HOMER2: variants seen among roughly 807,000 people sequenced by gnomAD.
HOMER2 encodes the protein homer scaffold protein 2, also known as homer protein homolog 2.
HOMER2 carries 27 observed loss-of-function variants against 47.0 expected under a neutral mutation model. The ratio of observed to expected loss-of-function variants is 0.57; its 90% CI spans 0.42 to 0.79. The LOEUF (loss-of-function observed/expected upper bound fraction) is 0.79, where lower values mean the gene tolerates loss of function less well. Among genes scored for constraint, HOMER2 ranks in the 30% least tolerant of loss-of-function variants. The probability of loss-of-function intolerance (pLI) is 0.00; values close to 1 mark genes in which losing one functional copy is unlikely to be tolerated. For missense variants in HOMER2, 443 were observed against 435.0 expected, an observed-to-expected ratio of 1.02 and a Z score of -0.16; for synonymous variants, 161 against 163.8, an observed-to-expected ratio of 0.98 and a Z score of 0.13.
chr15:82,924,759 A>C (rs1479514054), intron 1 of HOMER2, among the ~76,000 whole-genome samples: 1 of 152,150 alleles, frequency 6.6e-6, no homozygotes, highest in Non-Finnish European at 1.5e-5. Flanking sequence ...CATCTCACCC[A>C]ATTTTCCCAA....
chr15:82,845,218 T>TCACACACACACACACACACA (rs33974319), downstream of HOMER2: 13 of 146,030 alleles, frequency 8.9e-5, no homozygotes, highest in South Asian at 2.3e-4. Flanking sequence ...TGCTGTTTCT[T>TCACACACACACACACACACA]CACACACACA....
intron 1 of HOMER2, among the ~76,000 whole-genome samples, chr15:82,979,988 C>T (rs2030336438): frequency 6.6e-6 from 1 of 152,016 alleles, no homozygotes; most frequent in African/African-American, 2.4e-5. Flanking sequence ...GCATAGGCAA[C>T]ACAAGGAGAG....
intron 1 of HOMER2, among the ~76,000 whole-genome samples, chr15:82,974,790 C>A (rs2030145721): frequency 6.6e-6 from 1 of 152,058 alleles, no homozygotes; most frequent in African/African-American, 2.4e-5. Context: ...GACATACAGG[C>A]CAGGCGTGGT....
intron 6 of HOMER2, chr15:82,852,882 C>G (rs994614395): frequency 4.6e-5 from 7 of 152,428 alleles, no homozygotes; most frequent in African/African-American, 1.7e-4. Context: ...TTTCCCTTTC[C>G]AAGGCTGACC....
intron 3 of HOMER2, among the ~76,000 whole-genome samples, chr15:82,866,980 C>G (rs1000733951): frequency 3.3e-5 from 5 of 151,988 alleles, no homozygotes; most frequent in African/African-American, 1.2e-4. Flanking sequence ...CATGATGGAA[C>G]AGAACAAACA....
intron 1 of HOMER2, among the ~76,000 whole-genome samples, chr15:82,894,785 T>C (rs1357427656): frequency 6.8e-6 from 1 of 148,024 alleles, no homozygotes; most frequent in African/African-American, 2.5e-5. Flanking sequence ...ATCTTTACAA[T>C]GTCAAAAGAG....
intron 1 of HOMER2, among the ~76,000 whole-genome samples, chr15:82,930,104 T>A (rs1399169225): frequency 6.6e-6 from 1 of 152,210 alleles, no homozygotes; most frequent in Non-Finnish European, 1.5e-5. Context: ...AAAGGCTGTT[T>A]TTCTCATGGA....
At chr15:82,936,767 G>T (rs1005053187) in intron 1 of HOMER2, among the ~76,000 whole-genome samples, 1 of 151,370 alleles carries the variant, frequency 6.6e-6, no homozygotes, top group African/African-American at 2.4e-5. Flanking sequence ...TTTTGAGATG[G>T]GGTTTCTCCA....
intron 1 of HOMER2, among the ~76,000 whole-genome samples, chr15:82,964,024 A>G (rs2054652619): frequency 6.6e-6 from 1 of 152,240 alleles, no homozygotes; most frequent in Non-Finnish European, 1.5e-5. Context: ...CTTTGGCCAG[A>G]TATTAATTAG....
At chr15:82,911,187 C>T (rs568670011) in intron 1 of HOMER2, among the ~76,000 whole-genome samples, 2 of 152,272 alleles carry the variant, frequency 1.3e-5, no homozygotes, top group South Asian at 4.1e-4. Context: ...TTACCATCAG[C>T]AAATTAAACA....
chr15:82,913,633 G>A lies in HOMER2; in HGVS notation c.6-20792C>T, dbSNP rs533395506. On this transcript the variant is annotated intron_variant, in intron 1 of 8. Transcript: ENST00000450735. The surrounding 1 kb of genome is among the most constrained non-coding windows in gnomAD (Gnocchi z 4.1). ...TGCTTAGAAGAGTAAACTATTGACG[G>A]TAGACAGCAGATCACACAGTCAAGC... Among the ~76,000 whole-genome samples the A allele has an allele frequency of 6.6e-6, 1 of 152,270 alleles. No homozygotes were observed. Among genetic ancestry groups the A allele is most frequent in the African/African-American group, 2.4e-5 (1 of 41,554 alleles).
intron 1 of HOMER2, among the ~76,000 whole-genome samples, chr15:82,893,215 T>C (rs1451804050): frequency 2.0e-5 from 3 of 152,174 alleles, no homozygotes; most frequent in Non-Finnish European, 4.4e-5. Flanking sequence ...TTGTGACAAA[T>C]TTTGGGGGAT....
At chr15:82,860,672 C>G (rs1396247509) in intron 4 of HOMER2, among the ~76,000 whole-genome samples, 1 of 148,814 alleles carries the variant, frequency 6.7e-6, no homozygotes, top group African/African-American at 2.4e-5. Flanking sequence ...TGTGGTGGCT[C>G]ACACCTGTAA....
chr15:82,899,280 G>C (rs1413319231), intron 1 of HOMER2, among the ~76,000 whole-genome samples: 1 of 152,236 alleles, frequency 6.6e-6, no homozygotes, highest in Non-Finnish European at 1.5e-5. Context: ...GTCCCTTCAT[G>C]TACTGTCATA....
At chr15:82,879,769 G>A (rs2052464450) in intron 2 of HOMER2, among the ~76,000 whole-genome samples, 1 of 152,078 alleles carries the variant, frequency 6.6e-6, no homozygotes, top group African/African-American at 2.4e-5. Context: ...TGCTGCATTG[G>A]TTGATTTTTC....
At chr15:82,928,099 T>A (rs1423837714) in intron 1 of HOMER2, among the ~76,000 whole-genome samples, 1 of 152,164 alleles carries the variant, frequency 6.6e-6, no homozygotes, top group Non-Finnish European at 1.5e-5. Flanking sequence ...ACTATAGTAT[T>A]GGCAGTGGTT....
At chr15:82,857,223 C>G (rs954492374) in intron 5 of HOMER2, among the ~76,000 whole-genome samples, 3 of 152,054 alleles carry the variant, frequency 2.0e-5, no homozygotes, top group African/African-American at 7.2e-5. Flanking sequence ...CCTCTCCCCA[C>G]CTGTGAAGAC....
At chr15:82,952,490 C>A in intron 1 of HOMER2, 41 bp downstream of exon 1, 1 of 1,180,880 alleles carries the variant, frequency 8.5e-7, no homozygotes, top group South Asian at 4.2e-5. Flanking sequence ...GCAGTCCCTC[C>A]GGAGGGGCGC....
intron 1 of HOMER2, among the ~76,000 whole-genome samples, chr15:82,965,458 G>T (rs2054665249): frequency 6.6e-6 from 1 of 152,128 alleles, no homozygotes; most frequent in African/African-American, 2.4e-5. Flanking sequence ...TTGCTACTTT[G>T]CTTGATCTCA....
Sources: gnomAD v4.1 joint callset for allele counts (sites outside exome capture counted in the v4.1 genomes callset) on GRCh38, gnomAD v4.1.1 for gene constraint, Gnocchi (gnomAD v3.1) non-coding constraint, MANE v1.5 for transcripts, NCBI Gene and HGNC (gene_info 2026-07-23, HGNC 2026-07-21) for gene names.